The following PADI2 variants were observed in gnomAD, a reference collection of about 807,000 sequenced individuals.
PADI2 encodes peptidyl arginine deiminase 2.
A neutral mutation model predicts 81.1 loss-of-function variants in PADI2; 70 were observed. The observed-to-expected ratio is 0.86, with a 90% confidence interval of 0.71 to 1.05. PADI2 has a LOEUF of 1.05. Among genes scored for constraint, PADI2 ranks in the 50% least tolerant of loss-of-function variants. The pLI is 0.00. For missense variants in PADI2, 853 were observed against 889.9 expected, an observed-to-expected ratio of 0.96 and a Z score of 0.53; for synonymous variants, 338 against 358.0, an observed-to-expected ratio of 0.94 and a Z score of 0.63.
intron 13 of PADI2, 40 bp from the exon 14 acceptor site, chr1:17,071,531 T>A: frequency 1.3e-6 from 2 of 1,499,768 alleles, no homozygotes; most frequent in Non-Finnish European, 1.9e-6. Flanking sequence ...AAGCTTTAGA[T>A]ACCCAGGCTG....
At chr1:17,090,745 G>A (rs536057047) in intron 6 of PADI2, among the ~76,000 whole-genome samples, 18 of 152,074 alleles carry the variant, frequency 1.2e-4, no homozygotes, top group African/African-American at 1.2e-4. Context: ...TCCAAGGGAC[G>A]TTCTCAAAGC....
chr1:17,076,341 A>G (rs1216955482), intron 11 of PADI2, among the ~76,000 whole-genome samples: 1 of 151,928 alleles, frequency 6.6e-6, no homozygotes, highest in African/African-American at 2.4e-5. Flanking sequence ...CAGCATCCTG[A>G]GTAGCTGGGA....
At chr1:17,084,006 G>A (rs1054365230) in intron 8 of PADI2, among the ~76,000 whole-genome samples, 169 bp from the exon 9 acceptor site, 4 of 152,170 alleles carry the variant, frequency 2.6e-5, no homozygotes, top group Non-Finnish European at 5.9e-5. Flanking sequence ...CAAAGGCCAA[G>A]TAAACCCACC....
intron 3 of PADI2, among the ~76,000 whole-genome samples, chr1:17,098,047 C>CTG (rs1931004629): frequency 6.6e-6 from 1 of 152,156 alleles, no homozygotes; most frequent in Non-Finnish European, 1.5e-5. Context: ...CCCCCACCCC[C>CTG]TAACGATACA....
At chr1:17,112,628 G>A (rs575383075) in intron 1 of PADI2, among the ~76,000 whole-genome samples, 66 of 152,234 alleles carry the variant, frequency 4.3e-4, no homozygotes, top group Non-Finnish European at 9.0e-4. Flanking sequence ...CTCACACCTG[G>A]TGCTCGGCAT....
At chr1:17,099,364 C>T (rs1931059769) in intron 3 of PADI2, among the ~76,000 whole-genome samples, 1 of 152,114 alleles carries the variant, frequency 6.6e-6, no homozygotes, top group Non-Finnish European at 1.5e-5. Flanking sequence ...CTGCCAGGAC[C>T]TCAAATAGGG....
chr1:17,093,877 T>C (rs369615803), intron 4 of PADI2, among the ~76,000 whole-genome samples, 193 bp from the exon 5 acceptor site: 8 of 152,320 alleles, frequency 5.3e-5, no homozygotes, highest in African/African-American at 1.9e-4. Context: ...GCAAGTTCAA[T>C]AGAGGCACAG....
At chr1:17,080,306 T>C (rs931480433) in intron 10 of PADI2, among the ~76,000 whole-genome samples, 2 of 152,132 alleles carry the variant, frequency 1.3e-5, no homozygotes, top group African/African-American at 2.4e-5. Flanking sequence ...GCCAATGAAA[T>C]GTGAGCAGAA....
intron 4 of PADI2, among the ~76,000 whole-genome samples, chr1:17,095,437 AAATG>A (rs1930880381): frequency 6.6e-6 from 1 of 152,144 alleles, no homozygotes; most frequent in East Asian, 1.9e-4. Flanking sequence ...ACGAGGGAAC[AAATG>A]AATGAATGGT....
In PADI2 at chr1:17,095,945, G is replaced by T. The variant is rs200541775; in HGVS notation, c.375C>A (p.Asp125Glu). The T allele has an allele frequency of 1.2e-6, 2 of 1,607,972 alleles. No individual in the cohort carries two copies. The highest frequency in any genetic ancestry group is 4.5e-5 in the East Asian group (2 of 44,732). Residue 125 changes from aspartate to glutamate, a missense_variant, in exon 4 of 16, where the codon GAC becomes GAA. Asp to Glu is a conservative substitution (Grantham distance 45). Transcript: ENST00000375486. ...AIEISLDVDA[D>E]RDGVVEKNNP... ...TGTTCTTCTCCACCACACCATCCCG[G>T]TCTGCGTCCACATCCAGGGAGATCT...
intron 10 of PADI2, among the ~76,000 whole-genome samples, chr1:17,081,620 T>A (rs992318623): frequency 6.6e-6 from 1 of 152,294 alleles, no homozygotes; most frequent in East Asian, 1.9e-4. Flanking sequence ...AGTCCCCTGA[T>A]CTATTCCAGT....
At position 17,119,312 on chromosome 1, in the gene PADI2, C is replaced by T; in HGVS notation, c.60G>A (p.Val20=). ...QYGSRVEAVY[V]LGTYLWTDVY... is the part of the protein sequence containing the mutation. The stretch of plus-strand genomic sequence containing the variant: ...CATCGGTCCAGAGGTAGGTGCCCAG[C>T]ACGTACACCGCCTCCACGCGGCTCC... Residue 20 remains valine, a synonymous_variant, in exon 1 of 16, where the codon GTG becomes GTA. Transcript: ENST00000375486. This position sits in a 1 kb window ranked among gnomAD's most constrained non-coding sequence, Gnocchi z 4.8. 1.3e-6 allele frequency: 2 copies of T among 1,561,486 alleles called. No individual in the cohort carries two copies. The highest frequency in any genetic ancestry group is 1.2e-5 in the South Asian group (1 of 84,844).
rs1030158544 is a variant in PADI2, at chr1:17,082,612, C to G, written c.1091G>C (p.Gly364Ala). ...GGGAGAGTCCAGCACCACGGGGAAGCCTTTATGGGGGGCCTCGATGTAGCC... is the reference window on the plus strand; with the variant it reads ...GGGAGAGTCCAGCACCACGGGGAAGGCTTTATGGGGGGCCTCGATGTAGCC... The part of the protein sequence containing the change: ...EFGYIEAPHK[G>A]FPVVLDSPRD... The change falls in exon 10 of 16, where the codon GGC (glycine) becomes GCC (alanine). Residue 364 changes from glycine to alanine, a missense_variant. By Grantham distance (60) the Gly-to-Ala change is moderately conservative (BLOSUM62 0). Coordinates refer to ENST00000375486, the MANE Select transcript of PADI2 (RefSeq NM_007365.3). 1.2e-6 allele frequency: 2 copies of G among 1,611,198 alleles called. No individual in the cohort carries two copies. Among genetic ancestry groups the G allele is most frequent in the African/African-American group, 1.3e-5 (1 of 74,642 alleles).
rs1340725853 is a variant in PADI2 at position 17,083,838 on chromosome 1, C to G, written c.939-1G>C. 5 of 1,592,178 alleles carry G rather than the reference C, an allele frequency of 3.1e-6. No homozygotes were observed. Among genetic ancestry groups the G allele is most frequent in the Admixed American group, 1.7e-5 (1 of 59,982 alleles). On this transcript the variant is annotated splice_acceptor_variant, in intron 8 of 15. Coordinates refer to ENST00000375486, the MANE Select transcript of PADI2 (RefSeq NM_007365.3). LOFTEE classifies it high-confidence loss of function. ...CAGGAACAGGTAATTATCCTTCATG[C>G]TGAGAAGTTGGGGGAAGAAGGAGAG... is the stretch of plus-strand genomic sequence containing the variant.
intron 1 of PADI2, among the ~76,000 whole-genome samples, chr1:17,112,467 C>T (rs114045457): frequency 0.019 from 2,952 of 152,198 alleles, 113 homozygotes; most frequent in African/African-American, 0.068. Flanking sequence ...CCCAGAGTGA[C>T]CCCAGCTCCT....
chr1:17,106,723 G>C (rs1223312145), intron 1 of PADI2, among the ~76,000 whole-genome samples: 1 of 152,100 alleles, frequency 6.6e-6, no homozygotes, highest in Non-Finnish European at 1.5e-5. Flanking sequence ...GATTACAGGC[G>C]TGAGCCACCC....
chr1:17,088,403 C>T (rs1374089496), intron 6 of PADI2, among the ~76,000 whole-genome samples: 4 of 152,034 alleles, frequency 2.6e-5, no homozygotes, highest in South Asian at 2.1e-4. Context: ...ACACATAAGC[C>T]GAATAGCCTG....
chr1:17,079,580 A>G (rs1021277698), intron 10 of PADI2, among the ~76,000 whole-genome samples, 165 bp from the exon 11 acceptor site: 4 of 151,588 alleles, frequency 2.6e-5, no homozygotes, highest in Non-Finnish European at 5.9e-5. Flanking sequence ...GGGCCTGGGC[A>G]TGGGGAGGCT....
intron 14 of PADI2, among the ~76,000 whole-genome samples, chr1:17,070,724 C>T (rs1436262146): frequency 2.6e-5 from 4 of 152,082 alleles, no homozygotes; most frequent in African/African-American, 4.8e-5. Flanking sequence ...TGCAGTGGCA[C>T]GATCTCGGTT....
Sources: gnomAD v4.1 joint callset for allele counts (sites outside exome capture counted in the v4.1 genomes callset) on GRCh38, gnomAD v4.1.1 for gene constraint, Gnocchi (gnomAD v3.1) non-coding constraint, MANE v1.5 for transcripts, NCBI Gene and HGNC (gene_info 2026-07-23, HGNC 2026-07-21) for gene names.